Variants in ARHGAP24 observed in about 807,000 individuals in gnomAD.
ARHGAP24 encodes rho GTPase-activating protein 24.
In ARHGAP24, 50 loss-of-function variants were observed where a neutral mutation model predicts 76.4. That is an observed-to-expected ratio of 0.65 (90% CI 0.52 to 0.83). ARHGAP24 has a LOEUF of 0.83. Among genes scored for constraint, ARHGAP24 ranks in the 40% least tolerant of loss-of-function variants. The probability of loss-of-function intolerance (pLI) is 0.00; values close to 1 mark genes in which losing one functional copy is unlikely to be tolerated. For missense variants in ARHGAP24, 930 were observed against 914.2 expected, an observed-to-expected ratio of 1.02 and a Z score of -0.22; for synonymous variants, 345 against 323.3, an observed-to-expected ratio of 1.07 and a Z score of -0.72.
chr4:85,721,972 G>C lies in ARHGAP24; in HGVS notation c.268G>C (p.Gly90Arg). The C allele has an allele frequency of 6.2e-7, 1 of 1,611,930 alleles. No homozygotes were observed. The highest frequency in any genetic ancestry group is 8.5e-7 in the Non-Finnish European group (1 of 1,178,288). The change falls in exon 3 of 10, where the codon GGA (glycine) becomes CGA (arginine). Residue 90 changes from glycine to arginine, a missense_variant and splice_region_variant. Coordinates refer to ENST00000395184, the MANE Select transcript of ARHGAP24 (RefSeq NM_001025616.3). ...GAAGTTCCTTTTTGAAGTAGTTCCA[G>C]GTAAGATATTTTCCTAGTCTGATTA... ...PGKFLFEVVP[G>R]GDRDRMTANH...
chr4:85,671,475 A>C (rs535529656), intron 2 of ARHGAP24, among the ~76,000 whole-genome samples: 49 of 152,320 alleles, frequency 3.2e-4, no homozygotes, highest in African/African-American at 1.1e-3. Context: ...AATATTTGTC[A>C]AATGAAAATG....
At chr4:85,689,418 GCT>G (rs1249272082) in intron 2 of ARHGAP24, among the ~76,000 whole-genome samples, 1 of 151,988 alleles carries the variant, frequency 6.6e-6, no homozygotes, top group Non-Finnish European at 1.5e-5. Flanking sequence ...ACAGAGTCTT[GCT>G]CTGTCACCCA....
chr4:85,657,346 C>G (rs972338536), intron 2 of ARHGAP24, among the ~76,000 whole-genome samples: 29 of 151,944 alleles, frequency 1.9e-4, no homozygotes, highest in African/African-American at 6.5e-4. Context: ...CTTTGTTCTT[C>G]CCTTTTAGTT....
chr4:85,876,587 C>A (rs1732950833), intron 3 of ARHGAP24, among the ~76,000 whole-genome samples: 1 of 152,168 alleles, frequency 6.6e-6, no homozygotes, highest in South Asian at 2.1e-4. Context: ...GACATATGCA[C>A]TAAGTTTAGG....
At chr4:85,579,546 A>G (rs1431949055) in intron 2 of ARHGAP24, among the ~76,000 whole-genome samples, 1 of 65,438 alleles carries the variant, frequency 1.5e-5, no homozygotes, top group African/African-American at 5.2e-5. Flanking sequence ...CTTTAGCTTT[A>G]TCTTGCCTAA....
intron 1 of ARHGAP24, among the ~76,000 whole-genome samples, chr4:85,501,373 C>T (rs138286325): frequency 6.6e-6 from 1 of 152,304 alleles, no homozygotes; most frequent in African/African-American, 2.4e-5. Flanking sequence ...TCTCCACATC[C>T]TCTGCAGCAT....
chr4:85,777,279 C>T (rs1396716552), intron 3 of ARHGAP24, among the ~76,000 whole-genome samples: 1 of 152,138 alleles, frequency 6.6e-6, no homozygotes, highest in East Asian at 1.9e-4. Context: ...TGCCAAAGAA[C>T]AGGGCAAGAG....
At chr4:85,897,212 A>G (rs578086930) in intron 3 of ARHGAP24, among the ~76,000 whole-genome samples, 1 of 152,244 alleles carries the variant, frequency 6.6e-6, no homozygotes, top group South Asian at 2.1e-4. Context: ...CTTTGCCTCA[A>G]TGCTGGTGTG....
intron 4 of ARHGAP24, among the ~76,000 whole-genome samples, chr4:85,926,520 T>A (rs1181785680): frequency 6.6e-6 from 1 of 152,170 alleles, no homozygotes; most frequent in Non-Finnish European, 1.5e-5. Flanking sequence ...TCAGCCATAA[T>A]CTTGGGTTTC....
intron 9 of ARHGAP24, among the ~76,000 whole-genome samples, chr4:85,998,878 C>T (rs1740837828): frequency 1.3e-5 from 2 of 152,178 alleles, no homozygotes; most frequent in Admixed American, 1.3e-4. Flanking sequence ...AAAGAAAAAC[C>T]TAGACCCAAG....
intron 3 of ARHGAP24, among the ~76,000 whole-genome samples, chr4:85,897,768 G>A (rs1266251613): frequency 1.3e-5 from 2 of 151,698 alleles, no homozygotes; most frequent in Non-Finnish European, 2.9e-5. Context: ...CATCTTCCCA[G>A]GTATTTCCAA....
chr4:85,676,097 T>C (rs967032113), intron 2 of ARHGAP24, among the ~76,000 whole-genome samples: 6 of 152,240 alleles, frequency 3.9e-5, no homozygotes, highest in African/African-American at 1.2e-4. Flanking sequence ...TTTCATTGCA[T>C]AATTTGATTG....
At chr4:85,490,256 C>A (rs1723300683) in intron 1 of ARHGAP24, among the ~76,000 whole-genome samples, 1 of 152,186 alleles carries the variant, frequency 6.6e-6, no homozygotes, top group East Asian at 1.9e-4. Context: ...GGGAACAGGT[C>A]TAGTGATTGC....
At chr4:85,712,714 A>G (rs900535367) in intron 2 of ARHGAP24, among the ~76,000 whole-genome samples, 1 of 152,070 alleles carries the variant, frequency 6.6e-6, no homozygotes, top group Non-Finnish European at 1.5e-5. Context: ...TCTTATAAGG[A>G]CACTTTCTAC....
intron 3 of ARHGAP24, among the ~76,000 whole-genome samples, chr4:85,882,436 G>A (rs1156902003): frequency 1.3e-5 from 2 of 152,032 alleles, no homozygotes; most frequent in Non-Finnish European, 2.9e-5. Flanking sequence ...AGAACCCCCT[G>A]ATAATTAAGA....
At chr4:86,000,080 C>CTTTTTTTTTTTTTTTTT (rs35831725) in intron 9 of ARHGAP24, 6 of 143,350 alleles carry the variant, frequency 4.2e-5, no homozygotes, top group Non-Finnish European at 5.9e-5. Flanking sequence ...TTATTGCCCT[C>CTTTTTTTTTTTTTTTTT]TTTTTTTTTT....
At chr4:85,749,452 A>G (rs957962002) in intron 3 of ARHGAP24, among the ~76,000 whole-genome samples, 1 of 152,162 alleles carries the variant, frequency 6.6e-6, no homozygotes, top group Non-Finnish European at 1.5e-5. Flanking sequence ...CCACCCACCA[A>G]AGATTTTTCA....
chr4:85,529,587 C>T (rs1282406468), intron 1 of ARHGAP24, among the ~76,000 whole-genome samples: 1 of 151,946 alleles, frequency 6.6e-6, no homozygotes, highest in African/African-American at 2.4e-5. Flanking sequence ...TGGAACCAAA[C>T]TGTTGGGTAT....
intron 2 of ARHGAP24, among the ~76,000 whole-genome samples, chr4:85,610,721 T>C (rs1385151847): frequency 6.6e-6 from 1 of 152,162 alleles, no homozygotes; most frequent in Non-Finnish European, 1.5e-5. Flanking sequence ...GTCTTGTGTT[T>C]GCTAGTAACT....
Sources: gnomAD v4.1 joint callset for allele counts (sites outside exome capture counted in the v4.1 genomes callset) on GRCh38, gnomAD v4.1.1 for gene constraint, MANE v1.5 for transcripts, NCBI Gene and HGNC (gene_info 2026-07-23, HGNC 2026-07-21) for gene names.